The following TBC1D32 variants were observed in gnomAD, a reference collection of about 807,000 sequenced individuals.
TBC1D32 encodes protein broad-minded.
Under a neutral mutation model 170.3 loss-of-function variants are expected in TBC1D32, and 151 were observed. The ratio of observed to expected loss-of-function variants is 0.89; its 90% CI spans 0.78 to 1.01. TBC1D32 has a LOEUF of 1.01. TBC1D32 is among the 50% of genes least tolerant of loss of function. The probability of loss-of-function intolerance (pLI) is 0.00; values close to 1 mark genes in which losing one functional copy is unlikely to be tolerated. For synonymous variants in TBC1D32, 498 were observed against 488.0 expected, an observed-to-expected ratio of 1.02 and a Z score of -0.27; for missense variants, 1,464 against 1,457.1, an observed-to-expected ratio of 1.00 and a Z score of -0.08.
At chr6:121,143,334 A>G (rs1203865007) in intron 24 of TBC1D32, among the ~76,000 whole-genome samples, 1 of 152,108 alleles carries the variant, frequency 6.6e-6, no homozygotes, top group Non-Finnish European at 1.5e-5. Context: ...TAATATGATG[A>G]CCCTAAAAAT....
intron 11 of TBC1D32, among the ~76,000 whole-genome samples, chr6:121,293,424 TTAGA>T (rs1352665451): frequency 1.3e-5 from 2 of 152,082 alleles, no homozygotes; most frequent in Non-Finnish European, 2.9e-5. Context: ...TTGCTTTGAG[TTAGA>T]TAAAGAAATT....
rs1788104182 is a variant in TBC1D32 at position 121,178,660 on chromosome 6, T to C, written c.2571-17604A>G. Reference sequence around the variant, plus strand: ...TCCTGAGTGTAGGCAGGTCCTATGATATGTCTCTAACCAATGGAGTATGGT... The same window carrying C: ...TCCTGAGTGTAGGCAGGTCCTATGACATGTCTCTAACCAATGGAGTATGGT... On this transcript the variant is annotated intron_variant, in intron 22 of 31. Coordinates refer to ENST00000398212, the MANE Select transcript of TBC1D32 (RefSeq NM_152730.6). Among the ~76,000 whole-genome samples, 3 of 152,134 alleles carry C rather than the reference T, an allele frequency of 2.0e-5. No individual in the cohort carries two copies. In the South Asian group the frequency reaches 6.2e-4, roughly 32 times the overall value.
intron 21 of TBC1D32, among the ~76,000 whole-genome samples, chr6:121,210,230 AAATG>A (rs1369274647): frequency 6.6e-6 from 1 of 152,246 alleles, no homozygotes; most frequent in Admixed American, 6.5e-5. Context: ...AAACAGGCAA[AAATG>A]AATGAAAAGA....
chr6:121,289,729 G>C (rs372747134), intron 12 of TBC1D32, among the ~76,000 whole-genome samples: 15 of 151,968 alleles, frequency 9.9e-5, no homozygotes, highest in East Asian at 7.8e-4. Flanking sequence ...GGAGGCATCA[G>C]GCTACCTGAC....
intron 17 of TBC1D32, among the ~76,000 whole-genome samples, chr6:121,252,236 G>A (rs764049392): frequency 6.6e-5 from 10 of 152,062 alleles, no homozygotes; most frequent in Non-Finnish European, 1.2e-4. Context: ...TATACCCGAA[G>A]GATTATGAAT....
intron 15 of TBC1D32, among the ~76,000 whole-genome samples, chr6:121,276,457 A>G (rs760930005): frequency 6.6e-5 from 10 of 152,320 alleles, no homozygotes; most frequent in Admixed American, 1.3e-4. Context: ...AAGAGAGGAG[A>G]TAAAATGAAA....
At chr6:121,180,074 A>G (rs940961870) in intron 22 of TBC1D32, among the ~76,000 whole-genome samples, 9 of 152,148 alleles carry the variant, frequency 5.9e-5, no homozygotes, top group Non-Finnish European at 1.2e-4. Flanking sequence ...ACAAAATTTT[A>G]ATGAGGGTAA....
At chr6:121,281,480 C>A in intron 14 of TBC1D32, 64 bp downstream of exon 14, 1 of 1,292,986 alleles carries the variant, frequency 7.7e-7, no homozygotes, top group Non-Finnish European at 1.1e-6. Flanking sequence ...GAAATAAAGT[C>A]CCACTGAGTA....
intron 3 of TBC1D32, among the ~76,000 whole-genome samples, chr6:121,311,152 A>G (rs1320987068): frequency 1.3e-5 from 2 of 152,190 alleles, no homozygotes; most frequent in Non-Finnish European, 2.9e-5. Context: ...CAGAAATGTG[A>G]GATGAATGAA....
intron 5 of TBC1D32, among the ~76,000 whole-genome samples, chr6:121,307,426 T>G (rs192581808): frequency 6.6e-6 from 1 of 152,208 alleles, no homozygotes; most frequent in East Asian, 1.9e-4. Flanking sequence ...CTTTACAAGA[T>G]AAAATGCACA....
chr6:121,257,313 A>C (rs1799176342), intron 15 of TBC1D32, among the ~76,000 whole-genome samples: 1 of 152,046 alleles, frequency 6.6e-6, no homozygotes, highest in Non-Finnish European at 1.5e-5. Flanking sequence ...ATGAAGCACT[A>C]TCTGGATGTC....
chr6:121,215,992 C>A (rs1003693765), intron 21 of TBC1D32, among the ~76,000 whole-genome samples: 2 of 152,232 alleles, frequency 1.3e-5, no homozygotes, highest in African/African-American at 4.8e-5. Flanking sequence ...ACCCAGCAAT[C>A]CCATTACTGG....
intron 21 of TBC1D32, among the ~76,000 whole-genome samples, chr6:121,219,250 T>C (rs1247198597): frequency 6.6e-6 from 1 of 152,102 alleles, no homozygotes. Context: ...AAAGAAGGCA[T>C]AGATCAAAAG....
In TBC1D32 at chr6:121,283,930, A is replaced by G; in HGVS notation, c.1373-20T>C. 2 of 1,509,260 alleles carry G rather than the reference A, an allele frequency of 1.3e-6. No homozygotes were observed. The highest frequency in any genetic ancestry group is 1.8e-6 in the Non-Finnish European group (2 of 1,093,462). The allele number at this position is 1,509,260 out of a possible 1,614,324, so 93.5% of individuals were successfully genotyped here. A position where few individuals can be genotyped will look rare whatever the true frequency, so the allele number is the denominator to read the frequency against. ...CCAAACCTTTAAAAAGAAAATAAAG[A>G]GAAAATTAATTTCTAGCATATTCTT... On this transcript the variant is annotated intron_variant, in intron 12 of 31. Transcript: ENST00000398212.
intron 30 of TBC1D32, 149 bp downstream of exon 30, chr6:121,105,874 C>T (rs1329158716): frequency 3.5e-6 from 3 of 859,272 alleles, no homozygotes; most frequent in African/African-American, 1.7e-5. Flanking sequence ...AAACTTACAT[C>T]ATAACAGGCC....
chr6:121,264,366 A>C (rs139778753), intron 15 of TBC1D32, among the ~76,000 whole-genome samples: 2 of 152,224 alleles, frequency 1.3e-5, no homozygotes, highest in East Asian at 3.9e-4. Flanking sequence ...CCCTCCCAAG[A>C]AGAAGTCAAA....
intron 2 of TBC1D32, 132 bp from the exon 3 acceptor site, chr6:121,317,804 G>C (rs192564661): frequency 5.5e-6 from 3 of 542,682 alleles, no homozygotes; most frequent in Non-Finnish European, 8.9e-6. Context: ...GAGAAAAATC[G>C]AACTCAATTT....
chr6:121,091,648 C>CA (rs1223795001), intron 30 of TBC1D32, among the ~76,000 whole-genome samples: 2 of 152,008 alleles, frequency 1.3e-5, no homozygotes, highest in Non-Finnish European at 1.5e-5. Flanking sequence ...AATGCGTGCC[C>CA]ACTGTGGAAA....
intron 22 of TBC1D32, among the ~76,000 whole-genome samples, chr6:121,179,302 G>A (rs980431481): frequency 5.3e-5 from 8 of 150,698 alleles, no homozygotes; most frequent in Non-Finnish European, 8.9e-5. Context: ...TAGTTTGTGT[G>A]TGTGTGTGTG....
Sources: allele counts gnomAD v4.1 joint callset (sites outside exome capture counted in the v4.1 genomes callset), GRCh38; gene constraint gnomAD v4.1.1; transcripts MANE v1.5; gene names NCBI Gene and HGNC (gene_info 2026-07-23, HGNC 2026-07-21).